The following SPECC1 variants were observed in gnomAD, a reference collection of about 807,000 sequenced individuals.
SPECC1 encodes cytospin-B.
In SPECC1, 62 loss-of-function variants were observed where a neutral mutation model predicts 104.1. The observed-to-expected ratio is 0.60, with a 90% CI of 0.49 to 0.74. The LOEUF (loss-of-function observed/expected upper bound fraction) is 0.74, where lower values mean the gene tolerates loss of function less well. SPECC1 is among the 30% of genes least tolerant of loss of function. The pLI is 0.00. For synonymous variants in SPECC1, 513 were observed against 501.6 expected, an observed-to-expected ratio of 1.02 and a Z score of -0.30; for missense variants, 1,306 against 1,310.5, an observed-to-expected ratio of 1.00 and a Z score of 0.05.
chr17:20,195,961 C>T (rs914580312), intron 3 of SPECC1, among the ~76,000 whole-genome samples: 2 of 152,092 alleles, frequency 1.3e-5, no homozygotes, highest in African/African-American at 4.8e-5. Flanking sequence ...AATGTCCACA[C>T]ACTGGCTATT....
chr17:20,215,575 T>C (rs1322768375), intron 4 of SPECC1, among the ~76,000 whole-genome samples: 1 of 152,236 alleles, frequency 6.6e-6, no homozygotes, highest in East Asian at 1.9e-4. Context: ...CATGTCTCTA[T>C]AGTACCATGT....
chr17:20,285,274 T>C (rs543987624), intron 12 of SPECC1, among the ~76,000 whole-genome samples: 4 of 152,358 alleles, frequency 2.6e-5, no homozygotes, highest in South Asian at 2.1e-4. Context: ...TCTGCAACTT[T>C]AGTACAACCT....
At chr17:20,096,399 G>C (rs899572907) in intron 1 of SPECC1, among the ~76,000 whole-genome samples, 1 of 152,300 alleles carries the variant, frequency 6.6e-6, no homozygotes, top group South Asian at 2.1e-4. Flanking sequence ...CAGGACATCA[G>C]TAATGTGGAT....
chr17:20,199,383 GTTTTTTTTTTTTTTT>G (rs3077216), intron 3 of SPECC1, among the ~76,000 whole-genome samples: 2 of 62,432 alleles, frequency 3.2e-5, no homozygotes, highest in Non-Finnish European at 5.3e-5. Context: ...CACCGTGCTG[GTTTTTTTTTTTTTTT>G]TTTTTTTTTT....
intron 3 of SPECC1, among the ~76,000 whole-genome samples, chr17:20,169,906 A>G (rs1379209187): frequency 2.0e-5 from 3 of 152,330 alleles, no homozygotes; most frequent in South Asian, 2.1e-4. Flanking sequence ...GTTGAATTCT[A>G]TTTTACTTAC....
intron 1 of SPECC1, among the ~76,000 whole-genome samples, chr17:20,093,720 GTTTTTGTTTTTTGTTT>G: frequency 9.8e-6 from 1 of 102,304 alleles, no homozygotes; most frequent in African/African-American, 3.8e-5. Flanking sequence ...TTTTGTTTTT[GTTTTTGTTTTTTGTTT>G]TTTTTTTTTT....
chr17:20,057,926 C>A (rs1049487889), intron 1 of SPECC1: 2 of 151,978 alleles, frequency 1.3e-5, no homozygotes, highest in African/African-American at 4.8e-5. Flanking sequence ...AATCATGTAT[C>A]AAAAAATATA....
intron 3 of SPECC1, among the ~76,000 whole-genome samples, chr17:20,133,180 AT>A (rs1295407004): frequency 1.3e-5 from 2 of 149,934 alleles, no homozygotes; most frequent in Non-Finnish European, 3.0e-5. Context: ...CAATTTTATA[AT>A]TTTTTTTCAG....
At chr17:20,027,356 T>TA (rs1245711146) in intron 1 of SPECC1, among the ~76,000 whole-genome samples, 4 of 152,196 alleles carry the variant, frequency 2.6e-5, no homozygotes, top group African/African-American at 9.6e-5. Flanking sequence ...AGTTTGCAAA[T>TA]ATTTTCTCCC....
intron 3 of SPECC1, among the ~76,000 whole-genome samples, chr17:20,186,525 A>G (rs1362284399): frequency 6.6e-6 from 1 of 152,220 alleles, no homozygotes; most frequent in African/African-American, 2.4e-5. Flanking sequence ...TGTCTCATGT[A>G]TACTAAAAGT....
intron 4 of SPECC1, among the ~76,000 whole-genome samples, chr17:20,216,475 CCTGAGACTTTA>C: frequency 6.6e-6 from 1 of 152,194 alleles, no homozygotes. Context: ...GTTTGGGGGT[CCTGAGACTTTA>C]TTTTCCTTTA....
At chr17:20,237,378 G>T in intron 7 of SPECC1, 5 of 749,152 alleles carry the variant, frequency 6.7e-6, no homozygotes, top group Middle Eastern at 5.7e-4. Flanking sequence ...GCAATGGTAC[G>T]ATCTCGGCTC....
intron 3 of SPECC1, among the ~76,000 whole-genome samples, chr17:20,183,374 G>C (rs7220664): frequency 2.9e-4 from 44 of 152,288 alleles, no homozygotes; most frequent in African/African-American, 8.9e-4. Flanking sequence ...AGACATAAAA[G>C]CACAAGTACA....
chr17:20,108,747 A>G (rs1376536715), intron 2 of SPECC1, among the ~76,000 whole-genome samples: 1 of 152,190 alleles, frequency 6.6e-6, no homozygotes, highest in Non-Finnish European at 1.5e-5. Context: ...TTGGGCTGCT[A>G]TAAAAAAGGT....
At chr17:20,051,080 C>CTT (rs869098832) in intron 1 of SPECC1, among the ~76,000 whole-genome samples, 6 of 61,168 alleles carry the variant, frequency 9.8e-5, no homozygotes, top group South Asian at 7.3e-4. Flanking sequence ...TTCTTTCTTT[C>CTT]TTTCTTTCTT....
Position 20,110,470 on chromosome 17 carries a change from G to C in SPECC1, c.191G>C (p.Ser64Thr), listed in dbSNP as rs766209720. The C allele has an allele frequency of 1.9e-6, 3 of 1,613,912 alleles. No homozygotes were observed. The highest frequency in any genetic ancestry group is 2.5e-6 in the Non-Finnish European group (3 of 1,179,988). Residue 64 changes from serine (S) to threonine (T), a missense_variant, in exon 3 of 15, where the codon AGT (serine) becomes ACT (threonine). Ser to Thr is a moderately conservative substitution (Grantham distance 58). Around this residue, in one of 2 missense-constraint regions of SPECC1, gnomAD observed 1,177 missense variants for 1,139.9 expected, o/e 1.03. Transcript: ENST00000395527. ...GAGGACACGCTCAACAAGCCAGGAA[G>C]TACCGCTGCATCGGGGGTGGTTCGC... ...SSEDTLNKPG[S>T]TAASGVVRLK...
At chr17:20,230,943 A>G (rs959145751) in intron 5 of SPECC1, among the ~76,000 whole-genome samples, 5 of 152,214 alleles carry the variant, frequency 3.3e-5, no homozygotes, top group Non-Finnish European at 2.9e-5. Context: ...TGCCCACAGC[A>G]TCTTTTTAGC....
intron 7 of SPECC1, among the ~76,000 whole-genome samples, chr17:20,244,194 A>C (rs2039324730): frequency 6.6e-6 from 1 of 152,004 alleles, no homozygotes; most frequent in African/African-American, 2.4e-5. Context: ...ACACCACTGC[A>C]CTCCAGCCTG....
In SPECC1 at chr17:20,073,801, A is replaced by C. The variant is rs548197212; in HGVS notation, c.-21-22830A>C. ...TTTAGGTACAATGTCTTACAGACCC[A>C]GTGGATCTTGGTGTGACTAAGGCAG... is the stretch of plus-strand genomic sequence containing the variant. On this transcript the variant is annotated intron_variant, in intron 1 of 14. Transcript: ENST00000395527. The C allele has an allele frequency of 3.3e-5, 5 of 152,358 alleles. No individual in the cohort carries two copies. The East Asian group carries it at 9.6e-4, about 29-fold the overall frequency. The allele number at this position is 152,358 out of a possible 1,614,324, so 9.4% of individuals were successfully genotyped here.
Sources: allele counts gnomAD v4.1 joint callset (sites outside exome capture counted in the v4.1 genomes callset), GRCh38; gene constraint gnomAD v4.1.1; regional missense constraint gnomAD v4.1.1; transcripts MANE v1.5; gene names NCBI Gene and HGNC (gene_info 2026-07-23, HGNC 2026-07-21).